Variants in TCF7L1 observed in about 807,000 individuals in gnomAD.
TCF7L1 encodes transcription factor 7 like 1.
In TCF7L1, 18 loss-of-function variants were observed where a neutral mutation model predicts 63.7. That is an observed-to-expected ratio of 0.28 (90% CI 0.20 to 0.42). TCF7L1 has a LOEUF of 0.42. Among genes scored for constraint, TCF7L1 ranks in the 10% least tolerant of loss-of-function variants. The probability of loss-of-function intolerance (pLI) is 1.00; values close to 1 mark genes in which losing one functional copy is unlikely to be tolerated. For synonymous variants in TCF7L1, 355 were observed against 340.9 expected (o/e 1.04, Z -0.46); for missense variants, 654 against 779.3 (o/e 0.84, Z 1.91).
chr2:85,213,495 A>G (rs999969311), intron 3 of TCF7L1: 1 of 152,198 alleles, frequency 6.6e-6, no homozygotes, highest in Non-Finnish European at 1.5e-5. Flanking sequence ...TGTATCAGCC[A>G]TAAATACTTG....
At chr2:85,255,371 CT>C (rs911629040) in intron 3 of TCF7L1, among the ~76,000 whole-genome samples, 4 of 152,192 alleles carry the variant, frequency 2.6e-5, no homozygotes, top group African/African-American at 4.8e-5. Flanking sequence ...TCCCTCCCCC[CT>C]ACATGCTGTT....
intron 3 of TCF7L1, among the ~76,000 whole-genome samples, chr2:85,161,061 C>G (rs573583225): frequency 6.6e-6 from 1 of 152,168 alleles, no homozygotes; most frequent in Non-Finnish European, 1.5e-5. Flanking sequence ...ACACCAGCAT[C>G]CGTAGAGCTA....
intron 3 of TCF7L1, among the ~76,000 whole-genome samples, chr2:85,208,822 T>C (rs2104286839): frequency 6.6e-6 from 1 of 152,334 alleles, no homozygotes; most frequent in Middle Eastern, 3.4e-3. Flanking sequence ...TAATAGATCA[T>C]TGAAAATGTG....
chr2:85,245,834 A>T (rs776449530), intron 3 of TCF7L1, among the ~76,000 whole-genome samples: 117 of 112,242 alleles, frequency 1.0e-3, no homozygotes, highest in African/African-American at 3.1e-3. Context: ...TTAATTAATT[A>T]AAAAAAAAAA....
intron 3 of TCF7L1, chr2:85,213,499 A>T (rs1240681295): frequency 6.6e-6 from 1 of 152,178 alleles, no homozygotes; most frequent in Non-Finnish European, 1.5e-5. Flanking sequence ...TCAGCCATAA[A>T]TACTTGAATG....
chr2:85,297,122 C>T (rs2104382645), intron 4 of TCF7L1, among the ~76,000 whole-genome samples: 1 of 152,250 alleles, frequency 6.6e-6, no homozygotes, highest in East Asian at 1.9e-4. Context: ...CTTTTGCCAC[C>T]CTTAATGCCA....
rs1681891164 is a variant in TCF7L1 at position 85,298,630 on chromosome 2, C to G, written c.526-3854C>G. On this transcript the variant is annotated intron_variant, in intron 4 of 11. Coordinates refer to ENST00000282111, the MANE Select transcript of TCF7L1 (RefSeq NM_031283.3). The stretch of plus-strand genomic sequence containing the variant: ...AGCTAGAAAGAGCTGGCTTGCAGCG[C>G]TTGCCTGAAGGATTTAGGTCTGAGG... 2.0e-5 allele frequency among the ~76,000 whole-genome samples: 3 copies of G among 152,126 alleles called. No individual in the cohort carries two copies. The South Asian group carries it at 6.2e-4, about 32-fold the overall frequency.
intron 3 of TCF7L1, among the ~76,000 whole-genome samples, chr2:85,259,373 C>T (rs1680803647): frequency 6.6e-6 from 1 of 152,182 alleles, no homozygotes; most frequent in South Asian, 2.1e-4. Flanking sequence ...GCAGGGTTTG[C>T]TTGGGAATTC....
chr2:85,185,819 C>T (rs1678907070), intron 3 of TCF7L1, among the ~76,000 whole-genome samples: 1 of 152,148 alleles, frequency 6.6e-6, no homozygotes, highest in African/African-American at 2.4e-5. Flanking sequence ...AGGGCCCTCA[C>T]TGTGCGGGTA....
intron 3 of TCF7L1, among the ~76,000 whole-genome samples, chr2:85,250,044 C>T (rs528892538): frequency 1.1e-4 from 16 of 152,214 alleles, no homozygotes; most frequent in Admixed American, 9.2e-4. Flanking sequence ...ACTGTGTGCC[C>T]AATAAATGAG....
intron 3 of TCF7L1, among the ~76,000 whole-genome samples, chr2:85,282,465 T>A (rs1681440280): frequency 6.6e-6 from 1 of 152,174 alleles, no homozygotes; most frequent in Non-Finnish European, 1.5e-5. Flanking sequence ...AGACTAATGG[T>A]TTGCTTATGG....
intron 3 of TCF7L1, among the ~76,000 whole-genome samples, chr2:85,211,676 T>TA (rs1679549080): frequency 6.6e-6 from 1 of 152,226 alleles, no homozygotes. Context: ...AGACCCCACA[T>TA]GGCAGTGCCT....
chr2:85,279,242 G>A (rs116578071), intron 3 of TCF7L1, among the ~76,000 whole-genome samples: 9 of 152,298 alleles, frequency 5.9e-5, no homozygotes, highest in Non-Finnish European at 7.4e-5. Flanking sequence ...CAGGGTGATC[G>A]TGGGGTTGGC....
In TCF7L1 at chr2:85,305,263, G is replaced by T; in HGVS notation, c.849G>T (p.Leu283=). The T allele has an allele frequency of 6.2e-7, 1 of 1,614,104 alleles. No individual in the cohort carries two copies. The highest frequency in any genetic ancestry group is 8.5e-7 in the Non-Finnish European group (1 of 1,180,020). Reference sequence around the variant, plus strand: ...TTTGTTTCTATCCGGTGCACAGCCTGGTCTCCAGTCGGTTCTCTCCTCACA... The same window carrying T: ...TTTGTTTCTATCCGGTGCACAGCCTTGTCTCCAGTCGGTTCTCTCCTCACA... ...ALAMNASMSS[L]VSSRFSPHMV... is the part of the protein sequence containing the mutation. The change falls in exon 8 of 12, where the codon CTG becomes CTT. Residue 283 remains leucine, a synonymous_variant. Coordinates refer to ENST00000282111, the MANE Select transcript of TCF7L1 (RefSeq NM_031283.3).
chr2:85,300,578 C>T (rs73943087), intron 4 of TCF7L1, among the ~76,000 whole-genome samples: 17,177 of 151,864 alleles, frequency 0.11, 1,177 homozygotes, highest in South Asian at 0.2. Context: ...CTGCTTGGCA[C>T]ACTGAAAAGG....
chr2:85,273,259 T>G (rs943083492), intron 3 of TCF7L1, among the ~76,000 whole-genome samples: 5 of 152,218 alleles, frequency 3.3e-5, no homozygotes, highest in South Asian at 4.1e-4. Context: ...GCACAGGCTG[T>G]GCCAGCTGCA....
chr2:85,140,464 C>T (rs917246406), intron 3 of TCF7L1, among the ~76,000 whole-genome samples: 2 of 94,266 alleles, frequency 2.1e-5, no homozygotes, highest in African/African-American at 9.6e-5. Flanking sequence ...TTAGGGACTC[C>T]CCTCCCCCTT....
chr2:85,280,930 G>A (rs1681398860), intron 3 of TCF7L1, among the ~76,000 whole-genome samples: 1 of 152,128 alleles, frequency 6.6e-6, no homozygotes, highest in Non-Finnish European at 1.5e-5. Context: ...GCAAGGTGTG[G>A]GATTTGAAGT....
chr2:85,150,792 A>G (rs1357533774), intron 3 of TCF7L1, among the ~76,000 whole-genome samples: 3 of 152,296 alleles, frequency 2.0e-5, no homozygotes, highest in Admixed American at 6.5e-5. Context: ...GTAATTAATC[A>G]GTACTTTATG....
Sources: gnomAD v4.1 joint callset for allele counts (sites outside exome capture counted in the v4.1 genomes callset) on GRCh38, gnomAD v4.1.1 for gene constraint, MANE v1.5 for transcripts, NCBI Gene and HGNC (gene_info 2026-07-23, HGNC 2026-07-21) for gene names.